The following SLC25A13 variants were observed in gnomAD, a reference collection of about 807,000 sequenced individuals.
SLC25A13 encodes solute carrier family 25 member 13.
SLC25A13 carries 70 observed loss-of-function variants against 85.5 expected under a neutral mutation model. The ratio of observed to expected loss-of-function variants is 0.82; its 90% CI spans 0.68 to 1.00. The LOEUF (loss-of-function observed/expected upper bound fraction) is 1.00, where lower values mean the gene tolerates loss of function less well. SLC25A13 is among the 50% of genes least tolerant of loss of function. SLC25A13 has a pLI of 0.00. For missense variants in SLC25A13, 765 were observed against 819.8 expected, an observed-to-expected ratio of 0.93 and a Z score of 0.82; for synonymous variants, 259 against 288.7, an observed-to-expected ratio of 0.90 and a Z score of 1.04.
chr7:96,235,575 G>A (rs1187102134), intron 3 of SLC25A13, among the ~76,000 whole-genome samples: 1 of 152,196 alleles, frequency 6.6e-6, no homozygotes, highest in Non-Finnish European at 1.5e-5. Flanking sequence ...CTTAAAAAAT[G>A]AGTACAACTT....
At chr7:96,168,274 G>C (rs1174401905) in intron 13 of SLC25A13, among the ~76,000 whole-genome samples, 4 of 151,966 alleles carry the variant, frequency 2.6e-5, no homozygotes, top group Non-Finnish European at 5.9e-5. Flanking sequence ...TAATGATTGG[G>C]GGGGAAAAAG....
At chr7:96,238,312 C>G (rs1282544207) in intron 3 of SLC25A13, among the ~76,000 whole-genome samples, 1 of 152,130 alleles carries the variant, frequency 6.6e-6, no homozygotes, top group Non-Finnish European at 1.5e-5. Flanking sequence ...AACAGATTCT[C>G]CCTTACAGCC....
At chr7:96,182,391 C>T (rs1420365573) in intron 11 of SLC25A13, among the ~76,000 whole-genome samples, 1 of 152,222 alleles carries the variant, frequency 6.6e-6, no homozygotes, top group Non-Finnish European at 1.5e-5. Context: ...ACACTCTACT[C>T]ATCATCCTGA....
intron 1 of SLC25A13, among the ~76,000 whole-genome samples, chr7:96,297,729 T>C (rs1203454181): frequency 6.6e-6 from 1 of 152,216 alleles, no homozygotes; most frequent in East Asian, 1.9e-4. Context: ...CAGGCATGTA[T>C]ACCTCACTAC....
intron 4 of SLC25A13, among the ~76,000 whole-genome samples, chr7:96,234,469 T>C (rs1204555765): frequency 6.6e-6 from 1 of 152,146 alleles, no homozygotes; most frequent in Non-Finnish European, 1.5e-5. Context: ...TTCTTCGTTC[T>C]ATCAGTGGAA....
At chr7:96,284,303 T>C (rs562222500) in intron 2 of SLC25A13, among the ~76,000 whole-genome samples, 10 of 152,264 alleles carry the variant, frequency 6.6e-5, no homozygotes, top group African/African-American at 2.4e-4. Flanking sequence ...ACAAGTTACT[T>C]TTGTTTATGT....
At chr7:96,289,518 T>C (rs929168087) in intron 2 of SLC25A13, among the ~76,000 whole-genome samples, 2 of 152,010 alleles carry the variant, frequency 1.3e-5, no homozygotes, top group Admixed American at 6.6e-5. Context: ...GAAAAAAAGA[T>C]TGGACGAAAG....
chr7:96,265,311 T>C (rs537141297), intron 3 of SLC25A13, among the ~76,000 whole-genome samples: 70 of 152,350 alleles, frequency 4.6e-4, no homozygotes, highest in African/African-American at 1.6e-3. Flanking sequence ...GGAAACTTCA[T>C]TAAACTATAT....
intron 13 of SLC25A13, among the ~76,000 whole-genome samples, chr7:96,157,630 CCT>C (rs1182473756): frequency 6.6e-6 from 1 of 152,076 alleles, no homozygotes; most frequent in Non-Finnish European, 1.5e-5. Flanking sequence ...ACGGCAAAAT[CCT>C]CTCTCTACTA....
chr7:96,231,162 A>T (rs1184491701), intron 4 of SLC25A13, among the ~76,000 whole-genome samples: 1 of 152,182 alleles, frequency 6.6e-6, no homozygotes, highest in Non-Finnish European at 1.5e-5. Context: ...CTTGGAAGAC[A>T]ACCTAGGCAA....
intron 14 of SLC25A13, among the ~76,000 whole-genome samples, chr7:96,140,023 A>G (rs1259301908): frequency 8.3e-6 from 1 of 121,092 alleles, no homozygotes; most frequent in East Asian, 2.4e-4. Flanking sequence ...CAGTGGCGGG[A>G]TCTCGGCTCA....
intron 15 of SLC25A13, among the ~76,000 whole-genome samples, chr7:96,126,444 G>C (rs889598832): frequency 6.6e-6 from 1 of 152,098 alleles, no homozygotes; most frequent in African/African-American, 2.4e-5. Flanking sequence ...TGAGCTCTGA[G>C]CTTTTAACTT....
intron 4 of SLC25A13, among the ~76,000 whole-genome samples, chr7:96,225,010 G>C (rs954982725): frequency 1.3e-5 from 2 of 152,102 alleles, no homozygotes; most frequent in Non-Finnish European, 1.5e-5. Flanking sequence ...AATTATAATA[G>C]TATAGACCTT....
rs548336566 is a variant in SLC25A13, at chr7:96,296,742, A to C, written c.69+156T>G. The stretch of plus-strand genomic sequence containing the variant: ...GGGATCCACCCACCTCAGCCTCCCA[A>C]AGTGCTGGGATTACAGGCATGAGCC... On this transcript the variant is annotated intron_variant, in intron 2 of 17. Transcript: ENST00000265631. Among the ~76,000 whole-genome samples the C allele has an allele frequency of 2.1e-3, 315 of 152,310 alleles. 1 individual carries two copies. The highest frequency in any genetic ancestry group is 7.3e-3 in the African/African-American group (304 of 41,572).
chr7:96,266,883 G>T (rs1434535603), intron 3 of SLC25A13, among the ~76,000 whole-genome samples: 1 of 152,020 alleles, frequency 6.6e-6, no homozygotes, highest in Non-Finnish European at 1.5e-5. Flanking sequence ...TTTTTGTTTT[G>T]GTAGATTAAT....
chr7:96,303,527 CCTT>C (rs987327620), intron 1 of SLC25A13, among the ~76,000 whole-genome samples: 3 of 152,170 alleles, frequency 2.0e-5, no homozygotes, highest in Non-Finnish European at 4.4e-5. Flanking sequence ...GGCCCACCCT[CCTT>C]CTTTATCTTC....
At chr7:96,150,177 G>C (rs890983758) in intron 13 of SLC25A13, among the ~76,000 whole-genome samples, 2 of 151,640 alleles carry the variant, frequency 1.3e-5, no homozygotes, top group African/African-American at 4.9e-5. Context: ...CCATCTAAGA[G>C]AGAAAGAGAA....
At chr7:96,233,408 TG>T (rs1169455203) in intron 4 of SLC25A13, among the ~76,000 whole-genome samples, 2 of 152,186 alleles carry the variant, frequency 1.3e-5, no homozygotes, top group African/African-American at 4.8e-5. Flanking sequence ...TAAGAGGAAC[TG>T]GGTGATGGAA....
chr7:96,274,651 T>G (rs1461186394), intron 3 of SLC25A13, among the ~76,000 whole-genome samples: 8 of 151,892 alleles, frequency 5.3e-5, no homozygotes, highest in South Asian at 2.1e-4. Flanking sequence ...GGTCTAACAT[T>G]TAAGTCTTTA....
Sources: gnomAD v4.1 joint callset for allele counts (sites outside exome capture counted in the v4.1 genomes callset) on GRCh38, gnomAD v4.1.1 for gene constraint, MANE v1.5 for transcripts, NCBI Gene and HGNC (gene_info 2026-07-23, HGNC 2026-07-21) for gene names.